SAMD4A: variants seen among roughly 807,000 people sequenced by gnomAD.
The protein encoded by SAMD4A is protein Smaug homolog 1.
Under a neutral mutation model 81.3 loss-of-function variants are expected in SAMD4A, and 33 were observed. The ratio of observed to expected loss-of-function variants is 0.41; its 90% CI spans 0.31 to 0.54. The LOEUF (loss-of-function observed/expected upper bound fraction) is 0.54. Ranked by LOEUF, SAMD4A falls within the 20% of genes least tolerant of loss-of-function variation. The pLI is 0.37. For missense variants in SAMD4A, 854 were observed against 951.1 expected (o/e 0.90, Z 1.34); for synonymous variants, 389 against 382.1 (o/e 1.02, Z -0.21).
At chr14:54,626,254 T>A (rs536317328) in intron 2 of SAMD4A, among the ~76,000 whole-genome samples, 32 of 152,312 alleles carry the variant, frequency 2.1e-4, no homozygotes, top group African/African-American at 7.5e-4. Flanking sequence ...CTCTTCTCCA[T>A]CAGAATTTCA....
intron 2 of SAMD4A, chr14:54,689,927 C>T (rs980567809): frequency 1.3e-5 from 2 of 152,268 alleles, no homozygotes; most frequent in African/African-American, 4.8e-5. Flanking sequence ...CCTCAGTGTC[C>T]CCTCACCATT....
chr14:54,632,876 T>C lies in SAMD4A; in HGVS notation c.196+64764T>C, dbSNP rs1306942082. Among the ~76,000 whole-genome samples, 3 of 152,264 alleles carry C rather than the reference T, an allele frequency of 2.0e-5. No homozygotes were observed. The East Asian group carries it at 5.8e-4, about 29-fold the overall frequency. ...CACGTAGAAAGTACCTAATGTATTT[T>C]ATCTGTCACTATGTATAGTAATTTA... On this transcript the variant is annotated intron_variant, in intron 2 of 12. Coordinates refer to ENST00000554335, the MANE Select transcript of SAMD4A (RefSeq NM_015589.6).
intron 3 of SAMD4A, among the ~76,000 whole-genome samples, chr14:54,719,260 A>G (rs10134483): frequency 0.053 from 8,031 of 152,060 alleles, 372 homozygotes; most frequent in African/African-American, 0.12. Context: ...TGTAGACCCC[A>G]CTGCCAAGTC....
chr14:54,680,657 A>G (rs1411850393), intron 2 of SAMD4A, among the ~76,000 whole-genome samples: 1 of 152,254 alleles, frequency 6.6e-6, no homozygotes, highest in Non-Finnish European at 1.5e-5. Flanking sequence ...TTATAATGTT[A>G]AGGTTTTAAG....
At chr14:54,624,102 A>G (rs997312235) in intron 2 of SAMD4A, among the ~76,000 whole-genome samples, 77 of 152,250 alleles carry the variant, frequency 5.1e-4, no homozygotes, top group Middle Eastern at 3.4e-3. Flanking sequence ...CAGCCTCCCG[A>G]GTAGCTGGAG....
intron 8 of SAMD4A, among the ~76,000 whole-genome samples, chr14:54,764,980 G>A (rs2038497922): frequency 6.6e-6 from 1 of 152,234 alleles, no homozygotes; most frequent in Non-Finnish European, 1.5e-5. Flanking sequence ...ATGTGTGTGT[G>A]TGTTTGGGCT....
At chr14:54,673,945 G>C in intron 2 of SAMD4A, among the ~76,000 whole-genome samples, 1 of 152,300 alleles carries the variant, frequency 6.6e-6, no homozygotes. Context: ...TGAAGCGTTT[G>C]ATGCCTCTAT....
intron 3 of SAMD4A, among the ~76,000 whole-genome samples, chr14:54,736,376 G>A (rs72713425): frequency 0.012 from 1,886 of 152,228 alleles, 18 homozygotes; most frequent in Non-Finnish European, 0.021. Flanking sequence ...GGAAAGAATC[G>A]GCCCTAGAAG....
chr14:54,694,969 T>A (rs1468161675), intron 2 of SAMD4A: 1 of 971,982 alleles, frequency 1.0e-6, no homozygotes, highest in Non-Finnish European at 1.2e-6. Context: ...AAGAGGTACC[T>A]GGTTCTTGCC....
In SAMD4A at chr14:54,702,326, C is replaced by T. The variant is rs1313744216; in HGVS notation, c.461C>T (p.Thr154Met). The stretch of plus-strand genomic sequence containing the variant: ...TGGCTGAATCACTTGGAGGACCGCA[C>T]GTCGACCAGCTTTGGTGGCCAGAAC... ...AMWLNHLEDRTSTSFGGQNRG... is the reference protein window; with the variant it reads ...AMWLNHLEDRMSTSFGGQNRG... Residue 154 changes from threonine to methionine, a missense_variant, in exon 3 of 13, where the codon ACG (threonine) becomes ATG (methionine). Physicochemically the swap from Thr to Met is moderately conservative, Grantham distance 81. This residue lies in a region of SAMD4A where 387 missense variants were observed against 405.8 expected (regional missense o/e 0.95). Coordinates refer to ENST00000554335, the MANE Select transcript of SAMD4A (RefSeq NM_015589.6). 8.7e-6 allele frequency: 14 copies of T among 1,612,950 alleles called. No homozygotes were observed. Among genetic ancestry groups the T allele is most frequent in the East Asian group, 6.7e-5 (3 of 44,882 alleles).
chr14:54,752,092 G>T (rs2038117841), intron 6 of SAMD4A, among the ~76,000 whole-genome samples: 1 of 152,170 alleles, frequency 6.6e-6, no homozygotes, highest in Non-Finnish European at 1.5e-5. Flanking sequence ...CAACAGAATG[G>T]GTCCCTGTGA....
At chr14:54,662,291 G>A (rs961402556) in intron 2 of SAMD4A, among the ~76,000 whole-genome samples, 1 of 152,168 alleles carries the variant, frequency 6.6e-6, no homozygotes, top group African/African-American at 2.4e-5. Context: ...AGGGATAGAG[G>A]TCCACAGGGA....
intron 4 of SAMD4A, among the ~76,000 whole-genome samples, chr14:54,746,461 T>A (rs1041827540): frequency 6.6e-6 from 1 of 152,224 alleles, no homozygotes; most frequent in African/African-American, 2.4e-5. Context: ...CTACTCCCAG[T>A]GTTTTGACTA....
chr14:54,650,059 C>T (rs1185911167), intron 2 of SAMD4A, among the ~76,000 whole-genome samples: 1 of 152,214 alleles, frequency 6.6e-6, no homozygotes, highest in East Asian at 1.9e-4. Flanking sequence ...TAAGGGAATA[C>T]ATATTCCAGA....
At chr14:54,758,831 A>G (rs1359486593) in intron 6 of SAMD4A, among the ~76,000 whole-genome samples, 1 of 146,400 alleles carries the variant, frequency 6.8e-6, no homozygotes, top group Non-Finnish European at 1.5e-5. Flanking sequence ...CTCTGTCTCC[A>G]AAAAAAAAAA....
At chr14:54,573,027 T>C (rs1594678516) in intron 2 of SAMD4A, among the ~76,000 whole-genome samples, 1 of 152,220 alleles carries the variant, frequency 6.6e-6, no homozygotes, top group Non-Finnish European at 1.5e-5. Context: ...AAATAACTTA[T>C]CAACACTTTT....
chr14:54,751,703 C>T (rs1281996811), intron 6 of SAMD4A, among the ~76,000 whole-genome samples, 166 bp downstream of exon 6: 3 of 152,224 alleles, frequency 2.0e-5, no homozygotes, highest in Non-Finnish European at 4.4e-5. Flanking sequence ...TTCCTGGTTG[C>T]ACGTGCTTCT....
intron 2 of SAMD4A, among the ~76,000 whole-genome samples, chr14:54,602,364 A>ACG (rs2034077149): frequency 7.4e-6 from 1 of 136,048 alleles, no homozygotes; most frequent in Non-Finnish European, 1.6e-5. Flanking sequence ...ACACACACAC[A>ACG]CACACACACA....
intron 3 of SAMD4A, among the ~76,000 whole-genome samples, chr14:54,729,138 C>T (rs1195847633): frequency 6.6e-6 from 1 of 152,136 alleles, no homozygotes; most frequent in Non-Finnish European, 1.5e-5. Flanking sequence ...CTCCTTGGGA[C>T]TGATGCTCTG....
Sources: allele counts gnomAD v4.1 joint callset (sites outside exome capture counted in the v4.1 genomes callset), GRCh38; gene constraint gnomAD v4.1.1; regional missense constraint gnomAD v4.1.1; transcripts MANE v1.5; gene names NCBI Gene and HGNC (gene_info 2026-07-23, HGNC 2026-07-21).